Variants in LRPPRC observed in about 807,000 individuals in gnomAD.
The protein encoded by LRPPRC is leucine-rich PPR motif-containing protein, mitochondrial.
LRPPRC carries 120 observed loss-of-function variants against 180.3 expected under a neutral mutation model. The observed-to-expected ratio is 0.67, with a 90% CI of 0.57 to 0.77. LRPPRC has a LOEUF of 0.77. LRPPRC is among the 30% of genes least tolerant of loss of function. The pLI, the probability that LRPPRC is intolerant of heterozygous loss-of-function variation, is 0.00. For synonymous variants in LRPPRC, 723 were observed against 600.0 expected (o/e 1.21, Z -3.00); for missense variants, 2,012 against 1,657.2 (o/e 1.21, Z -3.72).
At chr2:43,996,089 AG>A, upstream of LRPPRC, 1 of 750,040 alleles carries the variant, frequency 1.3e-6, no homozygotes, top group Non-Finnish European at 2.1e-6. Context: ...TTAGGTTGGA[AG>A]ATGGAAAACC....
At chr2:43,945,288 C>G in intron 22 of LRPPRC, 44 bp downstream of exon 22, 1 of 1,247,822 alleles carries the variant, frequency 8.0e-7, no homozygotes, top group Non-Finnish European at 1.2e-6. Context: ...ATTCCAGTGG[C>G]AAGATACTTG....
intron 1 of LRPPRC, among the ~76,000 whole-genome samples, chr2:43,988,096 CG>C (rs1176016295): frequency 6.6e-6 from 1 of 151,600 alleles, no homozygotes; most frequent in Non-Finnish European, 1.5e-5. Context: ...AAAAATAAGC[CG>C]GGCATGGTGG....
At chr2:43,981,345 C>CA (rs1221394407) in intron 2 of LRPPRC, among the ~76,000 whole-genome samples, 2 of 151,064 alleles carry the variant, frequency 1.3e-5, no homozygotes, top group Non-Finnish European at 2.9e-5. Context: ...AGCAAAAAGA[C>CA]AATTTTTATT....
intron 36 of LRPPRC, 66 bp downstream of exon 36, chr2:43,894,479 T>G: frequency 1.6e-5 from 13 of 819,032 alleles, no homozygotes; most frequent in Middle Eastern, 3.3e-4. Flanking sequence ...GTCATTTACA[T>G]GATATAGTCA....
At chr2:43,934,409 A>C (rs1020885901) in intron 24 of LRPPRC, 113 bp from the exon 25 acceptor site, 1 of 652,722 alleles carries the variant, frequency 1.5e-6, no homozygotes, top group East Asian at 2.7e-5. Flanking sequence ...AACAAATATT[A>C]AGAATAACTT....
chr2:43,985,422 C>G (rs778039268), intron 1 of LRPPRC, among the ~76,000 whole-genome samples: 19 of 152,152 alleles, frequency 1.2e-4, no homozygotes, highest in Non-Finnish European at 2.2e-4. Context: ...TGACATGTAT[C>G]CACCTTTACA....
At chr2:43,986,703 ATTCTGAGACG>A (rs1674541255) in intron 1 of LRPPRC, among the ~76,000 whole-genome samples, 1 of 97,748 alleles carries the variant, frequency 1.0e-5, no homozygotes, top group African/African-American at 5.7e-5. Context: ...AGACGGTCTC[ATTCTGAGACG>A]GTCTCATTCT....
At chr2:43,954,132 G>A (rs1391708785) in intron 14 of LRPPRC, among the ~76,000 whole-genome samples, 1 of 152,040 alleles carries the variant, frequency 6.6e-6, no homozygotes, top group African/African-American at 2.4e-5. Context: ...ACTCCTTCCA[G>A]TAACTATCCA....
intron 14 of LRPPRC, among the ~76,000 whole-genome samples, chr2:43,956,999 C>A (rs985757988): frequency 1.1e-4 from 16 of 152,324 alleles, no homozygotes; most frequent in Middle Eastern, 3.4e-3. Context: ...AGGGCAAGGT[C>A]ATTAACATTC....
At chr2:43,954,908 A>G (rs1021693412) in intron 14 of LRPPRC, among the ~76,000 whole-genome samples, 1 of 152,216 alleles carries the variant, frequency 6.6e-6, no homozygotes, top group Non-Finnish European at 1.5e-5. Flanking sequence ...AGTAGTATGT[A>G]AAGTATGATA....
At chr2:43,961,953 ACT>A (rs1208802750) in intron 12 of LRPPRC, among the ~76,000 whole-genome samples, 2 of 152,142 alleles carry the variant, frequency 1.3e-5, no homozygotes, top group African/African-American at 4.8e-5. Flanking sequence ...ACAGAGCAAG[ACT>A]CTGCCTCAAA....
chr2:43,906,681 G>C (rs1424489350), intron 30 of LRPPRC, among the ~76,000 whole-genome samples: 4 of 152,156 alleles, frequency 2.6e-5, no homozygotes, highest in African/African-American at 9.7e-5. Context: ...GCCAACAACA[G>C]CATGCCCTGC....
intron 29 of LRPPRC, among the ~76,000 whole-genome samples, chr2:43,914,671 T>G (rs1671378291): frequency 6.6e-6 from 1 of 151,564 alleles, no homozygotes; most frequent in Non-Finnish European, 1.5e-5. Context: ...GAGGCTGCAG[T>G]GAGCTAAGAT....
Position 43,918,101 on chromosome 2 carries a change from AT to A in LRPPRC, c.3071del (p.Asn1024IlefsTer17). The part of the protein sequence containing the change: ...LWYEDEKHSL[N>X]SSSASTTEPD... ...GTTCTGTGGTTGAGGCTGACGAAGA[AT>A]TCAGGGAATGTTTTTCATCTTCATA... On this transcript the variant is annotated frameshift_variant, in exon 29 of 38. Coordinates refer to ENST00000260665, the MANE Select transcript of LRPPRC (RefSeq NM_133259.4). LOFTEE classifies it high-confidence loss of function. 6.2e-7 allele frequency: 1 copy of A among 1,614,000 alleles called. No individual in the cohort carries two copies. Among genetic ancestry groups the A allele is most frequent in the Non-Finnish European group, 8.5e-7 (1 of 1,179,978 alleles).
At chr2:43,962,522 C>A (rs1202666302) in intron 12 of LRPPRC, among the ~76,000 whole-genome samples, 5 of 152,226 alleles carry the variant, frequency 3.3e-5, no homozygotes, top group Non-Finnish European at 7.3e-5. Flanking sequence ...TTGTTCCTAA[C>A]TGCACAGCAC....
chr2:43,915,733 C>T (rs541071087), intron 29 of LRPPRC, among the ~76,000 whole-genome samples: 1 of 152,152 alleles, frequency 6.6e-6, no homozygotes, highest in East Asian at 1.9e-4. Context: ...ACTGAGGAGG[C>T]ATAAGAACTT....
intron 29 of LRPPRC, among the ~76,000 whole-genome samples, chr2:43,917,130 T>TCC (rs1440292837): frequency 6.8e-6 from 1 of 146,100 alleles, no homozygotes; most frequent in South Asian, 2.4e-4. Context: ...AACCTCCATC[T>TCC]CCCCGGTTCC....
At chr2:43,901,780 A>T (rs1572896728) in intron 31 of LRPPRC, 1 of 445,404 alleles carries the variant, frequency 2.2e-6, no homozygotes, top group Non-Finnish European at 4.0e-6. Context: ...TACCGACAAT[A>T]TGAGTTCCAT....
Position 43,891,670 on chromosome 2 carries a change from G to A in LRPPRC, c.3986-1794C>T, listed in dbSNP as rs114623442. Among the ~76,000 whole-genome samples, 1,513 of 152,240 alleles carry A rather than the reference G, an allele frequency of 9.9e-3. 32 individuals carry two copies. Among genetic ancestry groups the A allele is most frequent in the African/African-American group, 0.035 (1,440 of 41,542 alleles). ...TCCTCTACTCAGGCCTCCCTATTCTGAGACACAACAATATTGAAATTAGGC... is the reference window on the plus strand; with the variant it reads ...TCCTCTACTCAGGCCTCCCTATTCTAAGACACAACAATATTGAAATTAGGC... On this transcript the variant is annotated intron_variant, in intron 36 of 37. Transcript: ENST00000260665.
Sources: gnomAD v4.1 joint callset for allele counts (sites outside exome capture counted in the v4.1 genomes callset) on GRCh38, gnomAD v4.1.1 for gene constraint, MANE v1.5 for transcripts, NCBI Gene and HGNC (gene_info 2026-07-23, HGNC 2026-07-21) for gene names.